Variants in TRPC5 observed in about 807,000 individuals in gnomAD.
TRPC5 encodes the protein transient receptor potential cation channel subfamily C member 5, also known as short transient receptor potential channel 5.
In TRPC5, 9 loss-of-function variants were observed where a neutral mutation model predicts 56.5. That is an observed-to-expected ratio of 0.16 (90% CI 0.10 to 0.28). The LOEUF (loss-of-function observed/expected upper bound fraction) is 0.28. Among genes scored for constraint, TRPC5 ranks in the 10% least tolerant of loss-of-function variants. The probability of loss-of-function intolerance (pLI) is 1.00; values close to 1 mark genes in which losing one functional copy is unlikely to be tolerated. For missense variants in TRPC5, 469 were observed against 748.9 expected, an observed-to-expected ratio of 0.63 and a Z score of 4.36; for synonymous variants, 282 against 278.5, an observed-to-expected ratio of 1.01 and a Z score of -0.13.
chrX:111,777,056 G>A, intron 10 of TRPC5, 54 bp from the exon 11 acceptor site: 3 of 1,002,929 alleles, frequency 3.0e-6, no homozygotes, highest in Non-Finnish European at 4.0e-6. Flanking sequence ...TTATTTCAAA[G>A]TAGGCACATT....
chrX:112,025,341 T>TC (rs1929386465), intron 1 of TRPC5, among the ~76,000 whole-genome samples: 1 of 112,252 alleles, frequency 8.9e-6, no homozygotes, highest in African/African-American at 3.2e-5. Context: ...TATAGCTTAT[T>TC]AAGGTTCATA....
chrX:111,932,647 G>A (rs936895435), intron 2 of TRPC5, among the ~76,000 whole-genome samples: 1 of 111,236 alleles, frequency 9.0e-6, no homozygotes, highest in African/African-American at 3.3e-5. Flanking sequence ...ACAACCTTCT[G>A]GGATGATGCT....
chrX:112,011,676 T>A, intron 1 of TRPC5, among the ~76,000 whole-genome samples: 1 of 110,896 alleles, frequency 9.0e-6, no homozygotes, highest in Middle Eastern at 4.6e-3. Flanking sequence ...TGGGGTCAGG[T>A]GGGTGGCTAA....
intron 3 of TRPC5, among the ~76,000 whole-genome samples, chrX:111,909,162 A>ACC (rs1556583167): frequency 2.0e-5 from 1 of 49,003 alleles, no homozygotes; most frequent in Non-Finnish European, 5.8e-5. Flanking sequence ...TAAAAAAAAA[A>ACC]AAAAAAAAAA....
At chrX:111,819,239 G>A (rs1225350398) in intron 7 of TRPC5, among the ~76,000 whole-genome samples, 3 of 111,759 alleles carry the variant, frequency 2.7e-5, no homozygotes, top group African/African-American at 6.5e-5. Flanking sequence ...GACTGCCCAG[G>A]TTTCTCTTTT....
intron 1 of TRPC5, among the ~76,000 whole-genome samples, chrX:112,005,148 A>T (rs1928801523): frequency 9.0e-6 from 1 of 111,281 alleles, no homozygotes; most frequent in Non-Finnish European, 1.9e-5. Flanking sequence ...GAATGCGATC[A>T]TGTCCTTTGC....
chrX:111,807,531 A>T (rs1439646154), intron 7 of TRPC5, among the ~76,000 whole-genome samples: 1 of 112,460 alleles, frequency 8.9e-6, no homozygotes, highest in Non-Finnish European at 1.9e-5. Context: ...TCTCTGTCTG[A>T]AGGGCCACAT....
Position 112,053,339 on chromosome X carries a change from G to A in TRPC5, c.-22+28540C>T, listed in dbSNP as rs1386760374. Among the ~76,000 whole-genome samples, 11 of 111,608 alleles carry A rather than the reference G, an allele frequency of 9.9e-5. No homozygotes were observed. In the Admixed American group the frequency reaches 1.0e-3, roughly 11 times the overall value. Reference sequence around the variant, plus strand: ...TGCTACTGTCTAGCTATGTGACTTCGATATTTTGAGTTTCAGTTTCATTTA... The same window carrying A: ...TGCTACTGTCTAGCTATGTGACTTCAATATTTTGAGTTTCAGTTTCATTTA... On this transcript the variant is annotated intron_variant, in intron 1 of 10. Transcript: ENST00000262839.
chrX:111,831,623 C>T (rs1229518302), intron 7 of TRPC5, among the ~76,000 whole-genome samples: 3 of 112,104 alleles, frequency 2.7e-5, no homozygotes, highest in African/African-American at 9.7e-5. Context: ...TTTGGACTCT[C>T]CCCAAGCCAT....
At chrX:111,804,436 T>A (rs184043822) in intron 7 of TRPC5, among the ~76,000 whole-genome samples, 1 of 111,782 alleles carries the variant, frequency 8.9e-6, no homozygotes, top group Non-Finnish European at 1.9e-5. Context: ...TATAAATTAC[T>A]TTGGGCAGTA....
chrX:112,076,621 C>T (rs775332742), intron 1 of TRPC5, among the ~76,000 whole-genome samples: 56 of 111,728 alleles, frequency 5.0e-4, no homozygotes, highest in African/African-American at 1.7e-3. Context: ...ATAATTTGTC[C>T]ATCAAATGAT....
At chrX:111,915,148 G>T (rs1003909145) in intron 2 of TRPC5, among the ~76,000 whole-genome samples, 2 of 110,680 alleles carry the variant, frequency 1.8e-5, no homozygotes, top group Admixed American at 1.9e-4. Flanking sequence ...AGGCAGTGCT[G>T]CCAGTCCTGT....
chrX:111,772,955 G>A lies in TRPC5; in HGVS notation c.*3358C>T, dbSNP rs1233446175. 9.0e-6 allele frequency among the ~76,000 whole-genome samples: 1 copy of A among 111,600 alleles called. No individual in the cohort carries two copies. Among genetic ancestry groups the A allele is most frequent in the Non-Finnish European group, 1.9e-5 (1 of 53,176 alleles). The stretch of plus-strand genomic sequence containing the variant: ...AAAGTTCCCACTGAGGTTTTCAGAT[G>A]AGGTTTGCACTGCCATAAGAACTAT... On this transcript the variant is annotated 3_prime_UTR_variant, in exon 11 of 11. Transcript: ENST00000262839.
Position 111,796,698 on chromosome X carries a change from A to G in TRPC5, c.1897-14560T>C, listed in dbSNP as rs1921106358. Among the ~76,000 whole-genome samples the G allele has an allele frequency of 5.4e-5, 6 of 110,985 alleles. No individual in the cohort carries two copies. The South Asian group carries it at 2.2e-3, about 42-fold the overall frequency. ...AGCTTCAACACTCCCTCAGTTTAAA[A>G]CTCTGCCTTGGCCTTTCCTTACTAC... On this transcript the variant is annotated intron_variant, in intron 7 of 10. Transcript: ENST00000262839.
chrX:111,782,104 G>A lies in TRPC5; in HGVS notation c.1931C>T (p.Thr644Met). 1 of 1,209,867 alleles carries A rather than the reference G, an allele frequency of 8.3e-7. No homozygotes were observed. Among genetic ancestry groups the A allele is most frequent in the Non-Finnish European group, 1.1e-6 (1 of 894,882 alleles). ...ATCAAAGTAACTCATCCAGAGCTTC[G>A]TCCTTGCAAACTTCCACTCGATATC... ...HADIEWKFAR[T>M]KLWMSYFDEG... The change falls in exon 8 of 11, where the codon ACG becomes ATG. Residue 644 changes from threonine to methionine, a missense_variant. By Grantham distance (81) the Thr-to-Met change is moderately conservative (BLOSUM62 -1). Coordinates refer to ENST00000262839, the MANE Select transcript of TRPC5 (RefSeq NM_012471.3).
intron 1 of TRPC5, among the ~76,000 whole-genome samples, chrX:112,013,757 G>T (rs748458645): frequency 9.0e-6 from 1 of 111,457 alleles, no homozygotes; most frequent in African/African-American, 3.3e-5. Context: ...TCTTTGTAGG[G>T]TCACACTACA....
intron 1 of TRPC5, among the ~76,000 whole-genome samples, chrX:112,080,391 TACATACACACACACAC>T (rs1207559903): frequency 7.2e-4 from 59 of 82,015 alleles, no homozygotes; most frequent in African/African-American, 2.9e-3. Flanking sequence ...CTTGAAAAAC[TACATACACACACACAC>T]ACACACACAC....
chrX:111,842,669 A>T (rs1603052529), intron 6 of TRPC5, among the ~76,000 whole-genome samples: 1 of 112,296 alleles, frequency 8.9e-6, no homozygotes, highest in East Asian at 2.8e-4. Flanking sequence ...GACAGGATAA[A>T]GACTCAGAAA....
At chrX:111,836,058 C>G (rs968763079) in intron 6 of TRPC5, among the ~76,000 whole-genome samples, 4 of 111,449 alleles carry the variant, frequency 3.6e-5, no homozygotes, top group Non-Finnish European at 5.6e-5. Flanking sequence ...CCCAAGGACA[C>G]CTTACTAGTA....
Sources: allele counts gnomAD v4.1 joint callset (sites outside exome capture counted in the v4.1 genomes callset), GRCh38; gene constraint gnomAD v4.1.1; transcripts MANE v1.5; gene names NCBI Gene and HGNC (gene_info 2026-07-23, HGNC 2026-07-21).